CDKAL1: variants seen among roughly 807,000 people sequenced by gnomAD.
The protein encoded by CDKAL1 is CDKAL1 threonylcarbamoyladenosine tRNA methylthiotransferase.
CDKAL1 carries 32 observed loss-of-function variants against 68.2 expected under a neutral mutation model. That is an observed-to-expected ratio of 0.47 (90% CI 0.35 to 0.63). The LOEUF (loss-of-function observed/expected upper bound fraction) is 0.63, where lower values mean the gene tolerates loss of function less well. Among genes scored for constraint, CDKAL1 ranks in the 30% least tolerant of loss-of-function variants. The pLI is 0.00. For missense variants in CDKAL1, 606 were observed against 696.7 expected (o/e 0.87, Z 1.47); for synonymous variants, 234 against 244.3 (o/e 0.96, Z 0.39).
intron 9 of CDKAL1, among the ~76,000 whole-genome samples, chr6:20,910,070 T>G (rs937928757): frequency 6.6e-6 from 1 of 152,238 alleles, no homozygotes; most frequent in East Asian, 1.9e-4. Flanking sequence ...TGTTTTCACT[T>G]TATCATTCTT....
At chr6:20,783,569 C>T (rs530839766) in intron 8 of CDKAL1, among the ~76,000 whole-genome samples, 50 of 152,280 alleles carry the variant, frequency 3.3e-4, no homozygotes, top group African/African-American at 1.1e-3. Flanking sequence ...GTCTGTCCTT[C>T]CCCGTTCACC....
At chr6:20,646,922 A>G (rs1450035768) in intron 4 of CDKAL1, among the ~76,000 whole-genome samples, 1 of 151,738 alleles carries the variant, frequency 6.6e-6, no homozygotes, top group Non-Finnish European at 1.5e-5. Context: ...TTTTTGTATT[A>G]TTAGTAGAGA....
chr6:20,611,332 T>C lies in CDKAL1; in HGVS notation c.287-37961T>C, dbSNP rs187688917. On this transcript the variant is annotated intron_variant, in intron 4 of 15. Coordinates refer to ENST00000274695, the MANE Select transcript of CDKAL1 (RefSeq NM_017774.3). Reference sequence around the variant, plus strand: ...TTCTCCATTTCTGGCAATCCTGTTATATGTGTCAGCTTTTGTGGACTGGTC... The same window carrying C: ...TTCTCCATTTCTGGCAATCCTGTTACATGTGTCAGCTTTTGTGGACTGGTC... 6.8e-3 allele frequency among the ~76,000 whole-genome samples: 1,038 copies of C among 152,296 alleles called. 4 individuals are homozygous for C. The highest frequency in any genetic ancestry group is 0.01 in the Non-Finnish European group (688 of 68,032).
intron 9 of CDKAL1, among the ~76,000 whole-genome samples, chr6:20,909,181 ATGTATGTGTG>A (rs1386195734): frequency 6.0e-5 from 8 of 133,220 alleles, no homozygotes; most frequent in African/African-American, 8.4e-5. Context: ...ATATGTGTGC[ATGTATGTGTG>A]TGTGTGTGTG....
intron 13 of CDKAL1, among the ~76,000 whole-genome samples, chr6:21,151,588 A>G (rs977689186): frequency 6.6e-6 from 1 of 152,248 alleles, no homozygotes; most frequent in East Asian, 1.9e-4. Context: ...GCCTGTAAAC[A>G]ACAAAAACAG....
chr6:20,595,257 C>T (rs967642448), intron 4 of CDKAL1, among the ~76,000 whole-genome samples: 1 of 152,146 alleles, frequency 6.6e-6, no homozygotes, highest in Non-Finnish European at 1.5e-5. Flanking sequence ...TAGTATCCTG[C>T]AGAGTGTTTT....
intron 5 of CDKAL1, among the ~76,000 whole-genome samples, chr6:20,657,008 A>G (rs1364937227): frequency 6.6e-6 from 1 of 152,230 alleles, no homozygotes; most frequent in Admixed American, 6.5e-5. Flanking sequence ...AAGGTACAAT[A>G]ACAGTTAACA....
intron 9 of CDKAL1, among the ~76,000 whole-genome samples, chr6:20,910,632 T>C (rs1265466509): frequency 6.6e-6 from 1 of 152,174 alleles, no homozygotes; most frequent in Non-Finnish European, 1.5e-5. Context: ...GCTTTTTTGA[T>C]GGAGCATGGT....
At chr6:20,939,568 CA>C (rs1170270854) in intron 9 of CDKAL1, among the ~76,000 whole-genome samples, 2 of 152,112 alleles carry the variant, frequency 1.3e-5, no homozygotes, top group African/African-American at 4.8e-5. Context: ...TGAAAGATAA[CA>C]AAGTAATTTT....
intron 7 of CDKAL1, among the ~76,000 whole-genome samples, chr6:20,761,678 T>A (rs1004438093): frequency 6.6e-6 from 1 of 152,162 alleles, no homozygotes; most frequent in African/African-American, 2.4e-5. Flanking sequence ...TAAGGCTACA[T>A]ACTCTATGAG....
At chr6:21,131,262 T>C (rs1040208905) in intron 13 of CDKAL1, among the ~76,000 whole-genome samples, 2 of 152,190 alleles carry the variant, frequency 1.3e-5, no homozygotes, top group Non-Finnish European at 2.9e-5. Context: ...CTCTGATAGA[T>C]TTAGTTGTAG....
At chr6:20,694,042 T>TTGTGTGTGTGTGTG (rs1231271309) in intron 5 of CDKAL1, among the ~76,000 whole-genome samples, 1 of 114,356 alleles carries the variant, frequency 8.7e-6, no homozygotes, top group African/African-American at 4.2e-5. Context: ...CCGGCTAACT[T>TTGTGTGTGTGTGTG]TGTGTGTGTG....
chr6:20,607,254 T>C (rs11964664), intron 4 of CDKAL1, among the ~76,000 whole-genome samples: 1,664 of 152,358 alleles, frequency 0.011, 29 homozygotes, highest in African/African-American at 0.036. Context: ...GTTTTCCCCA[T>C]TATTCTGACT....
intron 8 of CDKAL1, among the ~76,000 whole-genome samples, chr6:20,796,015 A>G (rs1020887852): frequency 2.6e-5 from 4 of 152,176 alleles, no homozygotes; most frequent in Admixed American, 1.3e-4. Flanking sequence ...CTTATTTCCA[A>G]AGGAGTCAAT....
At chr6:20,696,746 A>G (rs1484070856) in intron 5 of CDKAL1, among the ~76,000 whole-genome samples, 1 of 152,210 alleles carries the variant, frequency 6.6e-6, no homozygotes, top group Non-Finnish European at 1.5e-5. Context: ...ATTTGAAGTA[A>G]AGCTGAGTAA....
intron 13 of CDKAL1, among the ~76,000 whole-genome samples, chr6:21,179,959 T>TG (rs1339175139): frequency 6.6e-6 from 1 of 152,152 alleles, no homozygotes; most frequent in Non-Finnish European, 1.5e-5. Flanking sequence ...AAGTCGAGGC[T>TG]GCAGTATGCT....
chr6:21,171,166 C>G lies in CDKAL1; in HGVS notation c.1300-26855C>G, dbSNP rs796333617. Among the ~76,000 whole-genome samples the G allele has an allele frequency of 3.2e-4, 49 of 152,116 alleles. 1 individual carries two copies. The highest frequency in any genetic ancestry group is 1.2e-3 in the African/African-American group (49 of 41,494). Reference sequence around the variant, plus strand: ...GTTTGGAGTATTTGCTTCCTTTAGACCTTGGGTATTTATTTTATTTTACAA... The same window carrying G: ...GTTTGGAGTATTTGCTTCCTTTAGAGCTTGGGTATTTATTTTATTTTACAA... On this transcript the variant is annotated intron_variant, in intron 13 of 15. Coordinates refer to ENST00000274695, the MANE Select transcript of CDKAL1 (RefSeq NM_017774.3).
intron 5 of CDKAL1, among the ~76,000 whole-genome samples, chr6:20,698,497 C>T (rs1053455382): frequency 1.2e-4 from 19 of 152,226 alleles, no homozygotes; most frequent in African/African-American, 4.3e-4. Flanking sequence ...ATGTCTTAGT[C>T]TTCTCTAGTC....
intron 15 of CDKAL1, among the ~76,000 whole-genome samples, chr6:21,224,542 A>T (rs984938354): frequency 1.3e-5 from 2 of 152,076 alleles, no homozygotes; most frequent in Non-Finnish European, 2.9e-5. Context: ...AACAATAATA[A>T]TAATAGTAAC....
Sources: gnomAD v4.1 joint callset for allele counts (sites outside exome capture counted in the v4.1 genomes callset) on GRCh38, gnomAD v4.1.1 for gene constraint, MANE v1.5 for transcripts, NCBI Gene and HGNC (gene_info 2026-07-23, HGNC 2026-07-21) for gene names.